Variants in NRDC observed in about 807,000 individuals in gnomAD.
The protein encoded by NRDC is nardilysin.
NRDC carries 54 observed loss-of-function variants against 147.1 expected under a neutral mutation model. The observed-to-expected ratio is 0.37, with a 90% confidence interval of 0.29 to 0.46. NRDC has a LOEUF of 0.46. NRDC is among the 20% of genes least tolerant of loss of function. The probability of loss-of-function intolerance (pLI) is 1.00; values close to 1 mark genes in which losing one functional copy is unlikely to be tolerated. For synonymous variants in NRDC, 440 were observed against 482.1 expected (o/e 0.91, Z 1.14); for missense variants, 1,082 against 1,370.6 (o/e 0.79, Z 3.33).
intron 1 of NRDC, among the ~76,000 whole-genome samples, chr1:51,873,498 T>TATTA (rs1008368127): frequency 6.7e-6 from 1 of 149,836 alleles, no homozygotes; most frequent in African/African-American, 2.4e-5. Flanking sequence ...TTTATTTATT[T>TATTA]ATTTATTTAT....
intron 15 of NRDC, 100 bp from the exon 16 acceptor site, chr1:51,810,504 T>C (rs1679666441): frequency 2.9e-6 from 3 of 1,025,846 alleles, no homozygotes; most frequent in Admixed American, 2.6e-5. Flanking sequence ...CTCCAAGATC[T>C]ATGCTCATAA....
At chr1:51,875,095 A>G (rs1683258793) in intron 1 of NRDC, among the ~76,000 whole-genome samples, 1 of 152,226 alleles carries the variant, frequency 6.6e-6, no homozygotes. Context: ...CTGGAAGGAT[A>G]ATTCAGCTCT....
intron 17 of NRDC, among the ~76,000 whole-genome samples, chr1:51,808,520 T>C (rs1240697434): frequency 6.6e-6 from 1 of 152,248 alleles, no homozygotes; most frequent in Non-Finnish European, 1.5e-5. Context: ...AATTTGTTTA[T>C]ACATTCATCC....
At chr1:51,834,458 G>T (rs1443799853) in intron 3 of NRDC, among the ~76,000 whole-genome samples, 1 of 151,572 alleles carries the variant, frequency 6.6e-6, no homozygotes, top group East Asian at 1.9e-4. Flanking sequence ...TGGATTACAG[G>T]CACTTGCCAC....
intron 30 of NRDC, 23 bp downstream of exon 30, chr1:51,789,545 T>G (rs1678471001): frequency 6.3e-7 from 1 of 1,599,464 alleles, no homozygotes; most frequent in African/African-American, 1.3e-5. Flanking sequence ...CTAGAATGGA[T>G]GGAGTTAGTT....
rs145181416 is a variant in NRDC, at chr1:51,790,590, A to G, written c.3111T>C (p.Asp1037=). ...CEDTHLGEEV[D]RNWNEVVTQQ... is the part of the protein sequence containing the mutation. ...GTGTAACCACTTCATTCCAGTTCCTATCCACCTCCTCCCCAAGGTGGGTAT... is the reference window on the plus strand; with the variant it reads ...GTGTAACCACTTCATTCCAGTTCCTGTCCACCTCCTCCCCAAGGTGGGTAT... Residue 1037 remains aspartate (D), a synonymous_variant, in exon 29 of 31, where the codon GAT becomes GAC. Transcript: ENST00000352171. The G allele has an allele frequency of 3.7e-6, 6 of 1,614,054 alleles. No homozygotes were observed. Among genetic ancestry groups the G allele is most frequent in the Non-Finnish European group, 5.1e-6 (6 of 1,179,946 alleles).
At chr1:51,801,489 G>C (rs948987924) in intron 20 of NRDC, among the ~76,000 whole-genome samples, 1 of 152,050 alleles carries the variant, frequency 6.6e-6, no homozygotes, top group Non-Finnish European at 1.5e-5. Context: ...GGTACTATGG[G>C]GGAGAAAAAG....
intron 1 of NRDC, among the ~76,000 whole-genome samples, chr1:51,867,176 G>C (rs1682851057): frequency 6.6e-6 from 1 of 151,088 alleles, no homozygotes; most frequent in Non-Finnish European, 1.5e-5. Flanking sequence ...CAAAAAGCAA[G>C]AAATAAAGTA....
At chr1:51,863,769 AT>A (rs1682668268) in intron 1 of NRDC, among the ~76,000 whole-genome samples, 1 of 152,248 alleles carries the variant, frequency 6.6e-6, no homozygotes, top group African/African-American at 2.4e-5. Flanking sequence ...AAAGGAAAAA[AT>A]ATGAGAAGAA....
In NRDC at chr1:51,810,359, G is replaced by A. The variant is rs746885649; in HGVS notation, c.1825C>T (p.Leu609Phe). ...TCATTAGCACCAGACAGTAAAACAA[G>A]ATTTGCTTTTTGAGGAACTAGCTGA... ...LNQLVPQKANLVLLSGANEGK... is the reference protein window; with the variant it reads ...LNQLVPQKANFVLLSGANEGK... The change falls in exon 16 of 31, where the codon CTT (leucine) becomes TTT (phenylalanine). Residue 609 changes from leucine (L) to phenylalanine (F), a missense_variant. By Grantham distance (22) the Leu-to-Phe change is conservative. Around this residue, in one of 3 missense-constraint regions of NRDC, gnomAD observed 635 missense variants for 923.8 expected, o/e 0.69. Transcript: ENST00000352171. 7.4e-6 allele frequency: 12 copies of A among 1,612,088 alleles called. No homozygotes were observed. The South Asian group carries it at 1.2e-4, about 16-fold the overall frequency.
chr1:51,800,631 G>A lies in NRDC; in HGVS notation c.2366C>T (p.Ala789Val). The stretch of plus-strand genomic sequence containing the variant: ...CTGCTCAGTTATCATTGTAAAGACA[G>A]CTGGTGTGGAATTGAACTCAGCTAA... Reference protein sequence around the residue: ...DYLAEFNSTPAVFTMITEQLK... With the variant: ...DYLAEFNSTPVVFTMITEQLK... Residue 789 changes from alanine to valine, a missense_variant, in exon 21 of 31, where the codon GCT (alanine) becomes GTT (valine). Coordinates refer to ENST00000352171, the MANE Select transcript of NRDC (RefSeq NM_001101662.2). The A allele has an allele frequency of 6.2e-7, 1 of 1,613,906 alleles. No individual in the cohort carries two copies. The highest frequency in any genetic ancestry group is 1.7e-4 in the Middle Eastern group (1 of 6,060).
intron 1 of NRDC, among the ~76,000 whole-genome samples, chr1:51,843,423 A>G (rs1476225339): frequency 6.6e-6 from 1 of 152,122 alleles, no homozygotes; most frequent in African/African-American, 2.4e-5. Context: ...AGGAATCCAC[A>G]TTAACAAGTT....
chr1:51,867,013 C>T (rs1222257971), intron 1 of NRDC, among the ~76,000 whole-genome samples: 1 of 151,966 alleles, frequency 6.6e-6, no homozygotes, highest in Non-Finnish European at 1.5e-5. Flanking sequence ...CTCAGTCTGT[C>T]GCTCAGGCTG....
intron 1 of NRDC, among the ~76,000 whole-genome samples, chr1:51,848,251 G>T (rs556968501): frequency 6.6e-6 from 1 of 152,148 alleles, no homozygotes; most frequent in Non-Finnish European, 1.5e-5. Context: ...CAAGGCGGGC[G>T]GATCACAAGG....
intron 11 of NRDC, 91 bp from the exon 12 acceptor site, chr1:51,814,904 T>G: frequency 7.6e-7 from 1 of 1,321,962 alleles, no homozygotes; most frequent in African/African-American, 1.5e-5. Flanking sequence ...GCTTTCTATG[T>G]AAAATGTGGA....
chr1:51,853,861 CTTCT>C (rs1285035776), intron 1 of NRDC, among the ~76,000 whole-genome samples: 1 of 152,156 alleles, frequency 6.6e-6, no homozygotes, highest in African/African-American at 2.4e-5. Flanking sequence ...GACTGGTTTT[CTTCT>C]TTCTTTTCTT....
Position 51,789,230 on chromosome 1 carries a change from G to A in NRDC, c.*6C>T, listed in dbSNP as rs761086115. 1.9e-6 allele frequency: 3 copies of A among 1,613,152 alleles called. No individual in the cohort carries two copies. Among genetic ancestry groups the A allele is most frequent in the Admixed American group, 1.7e-5 (1 of 60,012 alleles). On this transcript the variant is annotated 3_prime_UTR_variant, in exon 31 of 31. Transcript: ENST00000352171. Reference sequence around the variant, plus strand: ...ATTGCTTCAGGCCAACGTGACTGCAGTTTATTTATTTGACTATTTTATGGT... The same window carrying A: ...ATTGCTTCAGGCCAACGTGACTGCAATTTATTTATTTGACTATTTTATGGT...
At chr1:51,867,256 T>C (rs1353617724) in intron 1 of NRDC, among the ~76,000 whole-genome samples, 3 of 151,896 alleles carry the variant, frequency 2.0e-5, no homozygotes, top group Non-Finnish European at 4.4e-5. Flanking sequence ...AAGACAGAAA[T>C]GGAAGCAAGA....
chr1:51,825,466 G>A, intron 5 of NRDC, 84 bp from the exon 6 acceptor site: 1 of 1,060,314 alleles, frequency 9.4e-7, no homozygotes, highest in East Asian at 2.6e-5. Context: ...AGAACAGAAA[G>A]CAAGGAATTA....
Sources: allele counts gnomAD v4.1 joint callset (sites outside exome capture counted in the v4.1 genomes callset), GRCh38; gene constraint gnomAD v4.1.1; regional missense constraint gnomAD v4.1.1; transcripts MANE v1.5; gene names NCBI Gene and HGNC (gene_info 2026-07-23, HGNC 2026-07-21).